The following LONP2 variants were observed in gnomAD, a reference collection of about 807,000 sequenced individuals.
LONP2 encodes lon protease homolog 2, peroxisomal.
Under a neutral mutation model 85.6 loss-of-function variants are expected in LONP2, and 60 were observed. That is an observed-to-expected ratio of 0.70 (90% CI 0.57 to 0.87). The LOEUF is 0.87. Among genes scored for constraint, LONP2 ranks in the 40% least tolerant of loss-of-function variants. The pLI, the probability that LONP2 is intolerant of heterozygous loss-of-function variation, is 0.00. For missense variants in LONP2, 860 were observed against 1,063.5 expected (o/e 0.81, Z 2.66); for synonymous variants, 395 against 389.7 (o/e 1.01, Z -0.16).
At chr16:48,254,547 T>C (rs1455686458) in intron 2 of LONP2, among the ~76,000 whole-genome samples, 1 of 151,506 alleles carries the variant, frequency 6.6e-6, no homozygotes, top group African/African-American at 2.4e-5. Flanking sequence ...GTGTCTTTAG[T>C]AGAGATGAGG....
intron 11 of LONP2, among the ~76,000 whole-genome samples, chr16:48,329,379 C>T (rs1310334883): frequency 3.3e-5 from 5 of 152,162 alleles, no homozygotes; most frequent in African/African-American, 4.8e-5. Context: ...GACTCCCGCC[C>T]CTTTAGCCAC....
intron 1 of LONP2, among the ~76,000 whole-genome samples, chr16:48,250,212 G>T (rs1971600918): frequency 6.6e-6 from 1 of 151,956 alleles, no homozygotes; most frequent in African/African-American, 2.4e-5. Context: ...AAAAACCACA[G>T]TGGCTCACAC....
intron 6 of LONP2, among the ~76,000 whole-genome samples, chr16:48,264,372 A>G (rs1356036478): frequency 1.3e-5 from 2 of 152,198 alleles, no homozygotes; most frequent in Admixed American, 6.5e-5. Context: ...GGGACATTCC[A>G]TGCTGAGAAA....
chr16:48,265,970 C>T (rs963573063), intron 6 of LONP2, among the ~76,000 whole-genome samples: 6 of 152,068 alleles, frequency 3.9e-5, no homozygotes, highest in African/African-American at 1.4e-4. Flanking sequence ...CTTTCTGAAA[C>T]TATTGTAAAT....
chr16:48,328,884 A>G (rs900379827), intron 11 of LONP2, among the ~76,000 whole-genome samples: 1 of 151,734 alleles, frequency 6.6e-6, no homozygotes, highest in Non-Finnish European at 1.5e-5. Flanking sequence ...ATAATTCAGT[A>G]TCTCTCATCT....
intron 11 of LONP2, among the ~76,000 whole-genome samples, chr16:48,324,853 T>C (rs535866043): frequency 6.6e-6 from 1 of 152,224 alleles, no homozygotes; most frequent in Admixed American, 6.5e-5. Flanking sequence ...GATGTTTCAG[T>C]ACATGTATAC....
At chr16:48,320,806 T>G (rs1973247438) in intron 11 of LONP2, among the ~76,000 whole-genome samples, 1 of 152,198 alleles carries the variant, frequency 6.6e-6, no homozygotes, top group Admixed American at 6.5e-5. Context: ...GGGAGGAAGC[T>G]TCAATGAAGG....
downstream of LONP2, among the ~76,000 whole-genome samples, chr16:48,359,296 TAC>T (rs1039941835): frequency 6.6e-6 from 1 of 152,220 alleles, no homozygotes; most frequent in African/African-American, 2.4e-5. Flanking sequence ...GGAGCCCTTT[TAC>T]ATATTATAAT....
chr16:48,270,408 T>C (rs1972079590), intron 7 of LONP2, 134 bp downstream of exon 7: 1 of 985,790 alleles, frequency 1.0e-6, no homozygotes, highest in South Asian at 1.7e-5. Flanking sequence ...GAAAAGGACA[T>C]TTACAAGAAG....
At position 48,249,182 on chromosome 16, in the gene LONP2, G is replaced by T. The variant is rs140278457; in HGVS notation, c.234-2949G>T. Reference sequence around the variant, plus strand: ...AAACATTATCTTAAAACCTCTGAGGGTAGATTCGAGTTAGGAGTTTCAAAA... The same window carrying T: ...AAACATTATCTTAAAACCTCTGAGGTTAGATTCGAGTTAGGAGTTTCAAAA... On this transcript the variant is annotated intron_variant, in intron 1 of 14. Coordinates refer to ENST00000285737, the MANE Select transcript of LONP2 (RefSeq NM_031490.5). Among the ~76,000 whole-genome samples, 513 of 152,266 alleles carry T rather than the reference G, an allele frequency of 3.4e-3. 2 individuals are homozygous for T. The highest frequency in any genetic ancestry group is 0.012 in the African/African-American group (491 of 41,540).
intron 11 of LONP2, among the ~76,000 whole-genome samples, chr16:48,305,523 G>A (rs757150779): frequency 4.6e-5 from 7 of 152,180 alleles, no homozygotes; most frequent in Non-Finnish European, 1.0e-4. Flanking sequence ...CCAAAGTGCT[G>A]GGATTACAGG....
chr16:48,291,096 G>A (rs1411331235), intron 8 of LONP2, among the ~76,000 whole-genome samples: 1 of 152,174 alleles, frequency 6.6e-6, no homozygotes, highest in Non-Finnish European at 1.5e-5. Context: ...GGCTTTCAGA[G>A]CTGATTTTAG....
intron 11 of LONP2, among the ~76,000 whole-genome samples, chr16:48,309,233 T>C (rs950990282): frequency 6.6e-6 from 1 of 152,138 alleles, no homozygotes; most frequent in Non-Finnish European, 1.5e-5. Context: ...GGAAAACATA[T>C]GGAGAGTTCT....
At chr16:48,359,782 ACACAAT>A (rs1960508126), downstream of LONP2, among the ~76,000 whole-genome samples, 1 of 152,214 alleles carries the variant, frequency 6.6e-6, no homozygotes, top group Admixed American at 6.5e-5. Context: ...GGAAGAGACT[ACACAAT>A]CATCTTTTCT....
intron 11 of LONP2, among the ~76,000 whole-genome samples, chr16:48,319,606 T>G (rs1973219769): frequency 6.6e-6 from 1 of 152,134 alleles, no homozygotes; most frequent in Admixed American, 6.6e-5. Flanking sequence ...GTTTCTTATC[T>G]CTGGTAAGAG....
chr16:48,288,150 C>CTTTTT (rs1170612024), intron 8 of LONP2, among the ~76,000 whole-genome samples: 24 of 121,546 alleles, frequency 2.0e-4, no homozygotes, highest in Non-Finnish European at 2.8e-4. Context: ...TAGTCTTCTT[C>CTTTTT]TTTTTTTTTT....
At chr16:48,244,967 TC>T (rs1401228791) in intron 1 of LONP2, among the ~76,000 whole-genome samples, 4 of 152,126 alleles carry the variant, frequency 2.6e-5, no homozygotes, top group Non-Finnish European at 5.9e-5. Flanking sequence ...CCTTTCTTTC[TC>T]CCCGGTGATC....
chr16:48,303,121 T>C, intron 10 of LONP2, 51 bp from the exon 11 acceptor site: 1 of 1,586,634 alleles, frequency 6.3e-7, no homozygotes. Context: ...TACCTCTCTA[T>C]TTTTTTAAGT....
At chr16:48,289,021 T>G (rs1216203357) in intron 8 of LONP2, among the ~76,000 whole-genome samples, 3 of 152,198 alleles carry the variant, frequency 2.0e-5, no homozygotes, top group Non-Finnish European at 4.4e-5. Context: ...AATATGTCTA[T>G]CCTAGCTTAT....
Sources: gnomAD v4.1 joint callset for allele counts (sites outside exome capture counted in the v4.1 genomes callset) on GRCh38, gnomAD v4.1.1 for gene constraint, MANE v1.5 for transcripts, NCBI Gene and HGNC (gene_info 2026-07-23, HGNC 2026-07-21) for gene names.